Variants in LITAF observed in about 807,000 individuals in gnomAD.
LITAF encodes the protein lipopolysaccharide-induced tumor necrosis factor-alpha factor.
LITAF carries 9 observed loss-of-function variants against 14.5 expected under a neutral mutation model. That is an observed-to-expected ratio of 0.62 (90% CI 0.37 to 1.08). The LOEUF (loss-of-function observed/expected upper bound fraction) is 1.08, where lower values mean the gene tolerates loss of function less well. LITAF is among the 50% of genes least tolerant of loss of function. LITAF has a pLI of 0.01. For missense variants in LITAF, 206 were observed against 213.4 expected, an observed-to-expected ratio of 0.97 and a Z score of 0.22; for synonymous variants, 98 against 88.2, an observed-to-expected ratio of 1.11 and a Z score of -0.62.
Position 11,549,772 on chromosome 16 carries a change from C to T in LITAF, c.378-27G>A, listed in dbSNP as rs9936561. On this transcript the variant is annotated intron_variant, in intron 3 of 3. Transcript: ENST00000622633. The surrounding 1 kb of genome is among the most constrained non-coding windows in gnomAD (Gnocchi z 4.6). ...TGGGAGGAGAGAGAGACACACGGAG[C>T]GCGTTACTGATCACAACAGGGTGAA... 1.7e-3 allele frequency: 2,675 copies of T among 1,568,046 alleles called. 38 individuals are homozygous for T. In the African/African-American group the frequency reaches 0.03, roughly 18 times the overall value.
chr16:11,582,089 C>A (rs1365167628), intron 1 of LITAF, among the ~76,000 whole-genome samples: 2 of 152,102 alleles, frequency 1.3e-5, no homozygotes, highest in Non-Finnish European at 2.9e-5. Flanking sequence ...AGAGAGAATT[C>A]TGAATGCTCA....
chr16:11,588,252 T>C (rs1162400833), upstream of LITAF, among the ~76,000 whole-genome samples: 1 of 152,156 alleles, frequency 6.6e-6, no homozygotes, highest in Non-Finnish European at 1.5e-5. Context: ...CTCAGGACTT[T>C]GGGAGGCCAT....
Position 11,549,833 on chromosome 16 carries a change from G to T in LITAF, c.378-88C>A. ...CAAAACCATGTTCATGTCCTTCTTT[G>T]TAAAAAGGGTCTTTGCCAGTATAAT... On this transcript the variant is annotated intron_variant, in intron 3 of 3. Coordinates refer to ENST00000622633, the MANE Select transcript of LITAF (RefSeq NM_001136472.2). The surrounding 1 kb of genome is among the most constrained non-coding windows in gnomAD (Gnocchi z 4.6). The T allele has an allele frequency of 9.8e-7, 1 of 1,016,132 alleles. No homozygotes were observed. Among genetic ancestry groups the T allele is most frequent in the Non-Finnish European group, 1.5e-6 (1 of 660,128 alleles). 62.9% of individuals were successfully genotyped at this position (1,016,132 alleles called of 1,614,324 possible). A position where few individuals can be genotyped will look rare whatever the true frequency, so the allele number is the denominator to read the frequency against.
intron 1 of LITAF, among the ~76,000 whole-genome samples, chr16:11,581,596 C>T (rs1480318540): frequency 6.6e-6 from 1 of 151,798 alleles, no homozygotes; most frequent in Non-Finnish European, 1.5e-5. Flanking sequence ...TCCAGCCTGG[C>T]CAACAGAACA....
chr16:11,594,969 G>C lies in LITAF; in HGVS notation c.-6+3419C>G, dbSNP rs950605318. Among the ~76,000 whole-genome samples, 7 of 152,188 alleles carry C rather than the reference G, an allele frequency of 4.6e-5. No individual in the cohort carries two copies. In the East Asian group the frequency reaches 5.8e-4, roughly 13 times the overall value. On this transcript the variant is annotated intron_variant, in intron 1 of 3. Transcript: ENST00000571627. The stretch of plus-strand genomic sequence containing the variant: ...TAGTTGTCTCTGAGTGATGTAATTA[G>C]GGAATTTTTCGTCCTTTTGCTACTG...
intron 1 of LITAF, among the ~76,000 whole-genome samples, chr16:11,570,071 G>C (rs981669227): frequency 6.6e-6 from 1 of 151,444 alleles, no homozygotes; most frequent in Non-Finnish European, 1.5e-5. Context: ...TTTAAGGCAG[G>C]TCAAACCTTT....
intron 3 of LITAF, among the ~76,000 whole-genome samples, chr16:11,604,931 T>C (rs1251322627): frequency 6.6e-6 from 1 of 152,134 alleles, no homozygotes; most frequent in African/African-American, 2.4e-5. Flanking sequence ...CTCAGTGTAA[T>C]GAAGCCACTG....
At chr16:11,613,170 G>C (rs2064993299) in intron 3 of LITAF, among the ~76,000 whole-genome samples, 1 of 152,158 alleles carries the variant, frequency 6.6e-6, no homozygotes, top group Non-Finnish European at 1.5e-5. Context: ...CTCCCGAGTA[G>C]CTGGGACTAC....
intron 3 of LITAF, among the ~76,000 whole-genome samples, chr16:11,610,071 G>A (rs1347606952): frequency 6.6e-6 from 1 of 152,198 alleles, no homozygotes; most frequent in African/African-American, 2.4e-5. Flanking sequence ...TGCTCCTGAT[G>A]GCTTTGGGGG....
chr16:11,615,583 C>G (rs780271503), intron 3 of LITAF, among the ~76,000 whole-genome samples: 25 of 151,904 alleles, frequency 1.6e-4, no homozygotes, highest in Non-Finnish European at 2.8e-4. Context: ...GCCTGTAATC[C>G]CAGCTACTCA....
In LITAF at chr16:11,549,579, G is replaced by A. The variant is rs746955632; in HGVS notation, c.*58C>T. 3 of 1,299,142 alleles carry A rather than the reference G, an allele frequency of 2.3e-6. No individual in the cohort carries two copies. In the South Asian group the frequency reaches 3.7e-5, roughly 16 times the overall value. 80.5% of individuals were successfully genotyped at this position (1,299,142 alleles called of 1,614,324 possible). A position where few individuals can be genotyped will look rare whatever the true frequency, so the allele number is the denominator to read the frequency against. On this transcript the variant is annotated 3_prime_UTR_variant, in exon 4 of 4. Transcript: ENST00000622633. The surrounding 1 kb of genome is among the most constrained non-coding windows in gnomAD (Gnocchi z 4.6). Reference sequence around the variant, plus strand: ...AGAACCTCCACCAGGCGTGAAGCTGGATGAGAGGTGGAAAGGACTTCCTGC... The same window carrying A: ...AGAACCTCCACCAGGCGTGAAGCTGAATGAGAGGTGGAAAGGACTTCCTGC...
At chr16:11,617,830 TC>T (rs2065027747) in intron 3 of LITAF, among the ~76,000 whole-genome samples, 1 of 152,078 alleles carries the variant, frequency 6.6e-6, no homozygotes, top group Non-Finnish European at 1.5e-5. Context: ...TAAATTTCCT[TC>T]CCTCCGTAAC....
chr16:11,602,469 T>A (rs9888932), upstream of LITAF, among the ~76,000 whole-genome samples: 74,428 of 151,978 alleles, frequency 0.49, 18,391 homozygotes, highest in Middle Eastern at 0.62. Flanking sequence ...TCAGTGTGAG[T>A]CCCAAGCTGT....
At chr16:11,621,671 C>T (rs965222398) in intron 3 of LITAF, among the ~76,000 whole-genome samples, 2 of 152,150 alleles carry the variant, frequency 1.3e-5, no homozygotes, top group African/African-American at 4.8e-5. Context: ...ACACAGCTCC[C>T]CTGAATTCCC....
chr16:11,598,272 C>G (rs2064904220), intron 1 of LITAF: 1 of 142,908 alleles, frequency 7.0e-6, no homozygotes. Flanking sequence ...CCCACTGTCT[C>G]TCCAGGGCCT....
intron 3 of LITAF, among the ~76,000 whole-genome samples, chr16:11,612,039 G>T (rs557867765): frequency 1.3e-5 from 2 of 152,254 alleles, no homozygotes; most frequent in African/African-American, 4.8e-5. Context: ...CAACTTAATG[G>T]CTTCCTTCTT....
At chr16:11,609,871 A>G (rs2064973516) in intron 3 of LITAF, among the ~76,000 whole-genome samples, 1 of 152,222 alleles carries the variant, frequency 6.6e-6, no homozygotes, top group South Asian at 2.1e-4. Flanking sequence ...CTGGCCAGTG[A>G]TGGAAACAAA....
intron 1 of LITAF, among the ~76,000 whole-genome samples, chr16:11,579,659 G>C (rs1484430568): frequency 3.3e-5 from 5 of 152,122 alleles, no homozygotes; most frequent in Non-Finnish European, 7.4e-5. Flanking sequence ...CAGTTTCTTG[G>C]TTTGACAAAC....
At chr16:11,611,774 T>C (rs2064983567) in intron 3 of LITAF, among the ~76,000 whole-genome samples, 1 of 152,114 alleles carries the variant, frequency 6.6e-6, no homozygotes, top group South Asian at 2.1e-4. Context: ...GTGATTCTCC[T>C]GCCTCAGCCT....
Sources: allele counts gnomAD v4.1 joint callset (sites outside exome capture counted in the v4.1 genomes callset), GRCh38; gene constraint gnomAD v4.1.1; non-coding constraint Gnocchi (gnomAD v3.1); transcripts MANE v1.5; gene names NCBI Gene and HGNC (gene_info 2026-07-23, HGNC 2026-07-21).